The following CIT variants were observed in gnomAD, a reference collection of about 807,000 sequenced individuals.
The protein encoded by CIT is citron rho-interacting serine/threonine kinase.
A neutral mutation model predicts 272.7 loss-of-function variants in CIT; 79 were observed. That is an observed-to-expected ratio of 0.29 (90% CI 0.24 to 0.35). CIT has a LOEUF of 0.35. Among genes scored for constraint, CIT ranks in the 10% least tolerant of loss-of-function variants. The probability of loss-of-function intolerance (pLI) is 1.00; values close to 1 mark genes in which losing one functional copy is unlikely to be tolerated. For missense variants in CIT, 1,909 were observed against 2,618.3 expected (o/e 0.73, Z 5.91); for synonymous variants, 948 against 995.6 (o/e 0.95, Z 0.90).
rs1020608159 is a variant in CIT at position 119,718,498 on chromosome 12, G to A, written c.4004-89C>T. 2.0e-6 allele frequency: 3 copies of A among 1,496,632 alleles called. No individual in the cohort carries two copies. The highest frequency in any genetic ancestry group is 2.8e-5 in the African/African-American group (2 of 71,644). 92.7% of individuals were successfully genotyped at this position (1,496,632 alleles called of 1,614,324 possible). A position where few individuals can be genotyped will look rare whatever the true frequency, so the allele number is the denominator to read the frequency against. ...GAATGTCCCTGGGCTATCTTTCAAG[G>A]ACCCAAGACCAAAAGAATATGCGTC... On this transcript the variant is annotated intron_variant, in intron 31 of 47. Coordinates refer to ENST00000392521, the MANE Select transcript of CIT (RefSeq NM_001206999.2). This position sits in a 1 kb window ranked among gnomAD's most constrained non-coding sequence, Gnocchi z 4.8.
chr12:119,812,445 C>CA (rs1555255219), intron 9 of CIT, among the ~76,000 whole-genome samples: 1 of 146,882 alleles, frequency 6.8e-6, no homozygotes, highest in Non-Finnish European at 1.5e-5. Context: ...TTTTCTCCAA[C>CA]TTTTTTTTTT....
At chr12:119,815,139 G>C (rs1205495783) in intron 9 of CIT, among the ~76,000 whole-genome samples, 3 of 144,810 alleles carry the variant, frequency 2.1e-5, no homozygotes, top group Non-Finnish European at 4.5e-5. Flanking sequence ...CACACTAAAT[G>C]CACAAGCCAT....
At chr12:119,727,562 C>T (rs1958179329) in intron 28 of CIT, among the ~76,000 whole-genome samples, 1 of 152,084 alleles carries the variant, frequency 6.6e-6, no homozygotes, top group South Asian at 2.1e-4. Context: ...ACACAATTCA[C>T]CCATGTCACC....
chr12:119,720,485 T>C lies in CIT; in HGVS notation c.3833A>G (p.Lys1278Arg), dbSNP rs1373075012. The C allele has an allele frequency of 1.2e-6, 2 of 1,606,942 alleles. No individual in the cohort carries two copies. The highest frequency in any genetic ancestry group is 1.7e-6 in the Non-Finnish European group (2 of 1,177,546). Residue 1278 changes from lysine to arginine, a missense_variant, in exon 30 of 48, where the codon AAG becomes AGG. By Grantham distance (26) the Lys-to-Arg change is conservative (BLOSUM62 2). Coordinates refer to ENST00000392521, the MANE Select transcript of CIT (RefSeq NM_001206999.2). ...TCAAACACTTTGACTCACCTTTTTCTTTTTAGCAGGTTGGTCCATTTTGGC... is the reference window on the plus strand; with the variant it reads ...TCAAACACTTTGACTCACCTTTTTCCTTTTAGCAGGTTGGTCCATTTTGGC... Reference protein sequence around the residue: ...LQAKMDQPAKKKKGLFSRRKE... With the variant: ...LQAKMDQPAKRKKGLFSRRKE...
intron 3 of CIT, among the ~76,000 whole-genome samples, chr12:119,859,028 T>C (rs59585288): frequency 0.016 from 2,370 of 152,186 alleles, 61 homozygotes; most frequent in African/African-American, 0.054. Flanking sequence ...AAATGGACAG[T>C]AGATTTGGAA....
At position 119,784,441 on chromosome 12, in the gene CIT, G is replaced by A. The variant is rs1026070508; in HGVS notation, c.1402-390C>T. 8.3e-7 allele frequency: 1 copy of A among 1,207,520 alleles called. No homozygotes were observed. Among genetic ancestry groups the A allele is most frequent in the Non-Finnish European group, 1.0e-6 (1 of 955,284 alleles). The allele number at this position is 1,207,520 out of a possible 1,614,324, so 74.8% of individuals were successfully genotyped here. A position where few individuals can be genotyped will look rare whatever the true frequency, so the allele number is the denominator to read the frequency against. ...TGCAAAGATCTAGAGGACAAATCCA[G>A]GACAGGGCAAGGAGATATTTATTCG... On this transcript the variant is annotated intron_variant, in intron 11 of 47. Transcript: ENST00000392521. This position sits in a 1 kb window ranked among gnomAD's most constrained non-coding sequence, Gnocchi z 4.7.
intron 39 of CIT, among the ~76,000 whole-genome samples, chr12:119,709,505 G>A (rs1957044846): frequency 6.6e-6 from 1 of 152,150 alleles, no homozygotes; most frequent in Non-Finnish European, 1.5e-5. Flanking sequence ...AAAAAGAGCT[G>A]AGATTAAGAA....
At chr12:119,705,208 C>T (rs138745099) in intron 40 of CIT, among the ~76,000 whole-genome samples, 1,666 of 152,264 alleles carry the variant, frequency 0.011, 14 homozygotes, top group Middle Eastern at 0.024. Flanking sequence ...CCACCACACC[C>T]GGCCCACATT....
intron 19 of CIT, 30 bp downstream of exon 19, chr12:119,767,057 A>C: frequency 6.5e-7 from 1 of 1,546,222 alleles, no homozygotes; most frequent in Non-Finnish European, 8.8e-7. Context: ...TATAGGAGCA[A>C]GGCCAGGGAA....
At chr12:119,821,976 C>G (rs1448918120) in intron 9 of CIT, among the ~76,000 whole-genome samples, 1 of 152,160 alleles carries the variant, frequency 6.6e-6, no homozygotes, top group East Asian at 1.9e-4. Flanking sequence ...GCTGAAGGTG[C>G]AAGCAATTAT....
At position 119,752,046 on chromosome 12, in the gene CIT, C is replaced by T; in HGVS notation, c.2904+4G>A. 1 of 1,610,520 alleles carries T rather than the reference C, an allele frequency of 6.2e-7. No individual in the cohort carries two copies. The highest frequency in any genetic ancestry group is 8.5e-7 in the Non-Finnish European group (1 of 1,179,080). On this transcript the variant is annotated splice_donor_region_variant and intron_variant, in intron 23 of 47. Transcript: ENST00000392521. The stretch of plus-strand genomic sequence containing the variant: ...AACCTGAAGATGTTGCTCCCCAGAC[C>T]TACCGTGAGTGCCTGGATCTCCTCT...
At chr12:119,760,845 T>C (rs1183938955) in intron 20 of CIT, 94 bp downstream of exon 20, 1 of 827,294 alleles carries the variant, frequency 1.2e-6, no homozygotes, top group Non-Finnish European at 2.1e-6. Context: ...CAGAAGGAAT[T>C]TCACCAGGTG....
chr12:119,814,466 C>T (rs531125195), intron 9 of CIT, among the ~76,000 whole-genome samples: 1 of 152,260 alleles, frequency 6.6e-6, no homozygotes, highest in East Asian at 1.9e-4. Flanking sequence ...TTTCTACCAT[C>T]ACTACTTTAC....
chr12:119,696,962 G>A (rs1270347166), intron 46 of CIT, among the ~76,000 whole-genome samples: 1 of 152,192 alleles, frequency 6.6e-6, no homozygotes, highest in African/African-American at 2.4e-5. Flanking sequence ...TCCCAGGGCT[G>A]TACTTTAATT....
In CIT at chr12:119,742,866, GACACAC is replaced by G. The variant is rs56003708; in HGVS notation, c.2905-408_2905-403del. ...CTGACTCCTCCCCAGCCTACTCCCT[GACACAC>G]ACACACACACACACACACACACATA... On this transcript the variant is annotated intron_variant, in intron 23 of 47. Coordinates refer to ENST00000392521, the MANE Select transcript of CIT (RefSeq NM_001206999.2). 1.7e-3 allele frequency: 264 copies of G among 151,854 alleles called. 1 individual carries two copies. Among genetic ancestry groups the G allele is most frequent in the African/African-American group, 4.0e-3 (161 of 40,528 alleles). 9.4% of individuals were successfully genotyped at this position (151,854 alleles called of 1,614,324 possible). A position where few individuals can be genotyped will look rare whatever the true frequency, so the allele number is the denominator to read the frequency against.
intron 9 of CIT, among the ~76,000 whole-genome samples, chr12:119,815,130 A>G (rs1312489105): frequency 7.0e-6 from 1 of 142,516 alleles, no homozygotes; most frequent in Non-Finnish European, 1.5e-5. Flanking sequence ...ACACACACAC[A>G]CACTAAATGC....
intron 10 of CIT, among the ~76,000 whole-genome samples, chr12:119,794,612 A>T (rs1015998555): frequency 1.3e-5 from 2 of 152,214 alleles, no homozygotes; most frequent in Non-Finnish European, 2.9e-5. Context: ...CATTTTATAG[A>T]AAGTGCAGGT....
intron 6 of CIT, among the ~76,000 whole-genome samples, 198 bp downstream of exon 6, chr12:119,833,888 T>C (rs901281373): frequency 5.3e-5 from 8 of 152,124 alleles, no homozygotes; most frequent in Non-Finnish European, 1.0e-4. Context: ...TCTAGATCTA[T>C]TGCACTGCTG....
chr12:119,803,046 G>A (rs529233149), intron 10 of CIT, among the ~76,000 whole-genome samples, 160 bp downstream of exon 10: 2 of 151,954 alleles, frequency 1.3e-5, no homozygotes, highest in African/African-American at 2.4e-5. Context: ...GGCTACCCCC[G>A]CAAAGCCCTA....
Sources: gnomAD v4.1 joint callset for allele counts (sites outside exome capture counted in the v4.1 genomes callset) on GRCh38, gnomAD v4.1.1 for gene constraint, Gnocchi (gnomAD v3.1) non-coding constraint, MANE v1.5 for transcripts, NCBI Gene and HGNC (gene_info 2026-07-23, HGNC 2026-07-21) for gene names.